JPH3: variants seen among roughly 807,000 people sequenced by gnomAD.
JPH3 encodes junctophilin-3.
JPH3 carries 11 observed loss-of-function variants against 59.6 expected under a neutral mutation model. The ratio of observed to expected loss-of-function variants is 0.18; its 90% CI spans 0.12 to 0.31. JPH3 has a LOEUF of 0.31. Ranked by LOEUF, JPH3 falls within the 10% of genes least tolerant of loss-of-function variation. The pLI is 1.00. For synonymous variants in JPH3, 673 were observed against 483.6 expected (o/e 1.39, Z -5.14); for missense variants, 1,202 against 1,105.7 (o/e 1.09, Z -1.24).
chr16:87,618,346 G>A (rs896057937), intron 1 of JPH3, among the ~76,000 whole-genome samples: 2 of 152,130 alleles, frequency 1.3e-5, no homozygotes, highest in African/African-American at 4.8e-5. Flanking sequence ...GCTGGGGGAG[G>A]AGGGCGTGGA....
chr16:87,646,793 A>G (rs1014578003), intron 2 of JPH3, among the ~76,000 whole-genome samples: 9 of 152,112 alleles, frequency 5.9e-5, no homozygotes, highest in African/African-American at 1.4e-4. Flanking sequence ...TCATGAGTTC[A>G]TTGGTTCATG....
intron 1 of JPH3, among the ~76,000 whole-genome samples, chr16:87,626,795 A>G (rs2031394892): frequency 6.6e-6 from 1 of 152,200 alleles, no homozygotes; most frequent in Non-Finnish European, 1.5e-5. Flanking sequence ...AGAAGACGTG[A>G]GCTTCACTCA....
At chr16:87,618,784 C>A (rs1167886834) in intron 1 of JPH3, among the ~76,000 whole-genome samples, 1 of 152,076 alleles carries the variant, frequency 6.6e-6, no homozygotes, top group Non-Finnish European at 1.5e-5. Context: ...AGATCCTTGC[C>A]CATTTAAAAA....
intron 4 of JPH3, chr16:87,696,064 G>T (rs1424772276): frequency 1.3e-5 from 6 of 456,318 alleles, no homozygotes; most frequent in Non-Finnish European, 2.6e-5. Context: ...GTGTGGTGAG[G>T]GGGGGTTTTG....
At chr16:87,630,289 T>A (rs989111447) in intron 1 of JPH3, among the ~76,000 whole-genome samples, 2 of 149,118 alleles carry the variant, frequency 1.3e-5, no homozygotes, top group African/African-American at 4.8e-5. Flanking sequence ...GGATGGTGTC[T>A]GCAAACGGTG....
chr16:87,630,581 A>G (rs2031534983), intron 1 of JPH3, among the ~76,000 whole-genome samples: 1 of 152,224 alleles, frequency 6.6e-6, no homozygotes, highest in African/African-American at 2.4e-5. Flanking sequence ...CTATTGTGAG[A>G]ATCTTCTCAT....
rs1277474129 is a variant in JPH3, at chr16:87,602,644, GCGCCGCCGCCCGTGCCGC to G, written c.-490_-473del. ...GGCCCCCAATATGGTGCAGCCGCCA[GCGCCGCCGCCCGTGCCGC>G]CGCCGCCGCCCGCGGGCCCCGCCGC... On this transcript the variant is annotated 5_prime_UTR_variant, in exon 1 of 5. Coordinates refer to ENST00000284262, the MANE Select transcript of JPH3 (RefSeq NM_020655.4). Among the ~76,000 whole-genome samples, 2 of 133,088 alleles carry G rather than the reference GCGCCGCCGCCCGTGCCGC, an allele frequency of 1.5e-5. No individual in the cohort carries two copies. The highest frequency in any genetic ancestry group is 7.3e-5 in the Admixed American group (1 of 13,754). The allele number at this position is 133,088 out of a possible 152,430, so 87.3% of individuals were successfully genotyped here. A position where few individuals can be genotyped will look rare whatever the true frequency, so the allele number is the denominator to read the frequency against.
intron 2 of JPH3, among the ~76,000 whole-genome samples, chr16:87,669,265 C>A (rs1486655256): frequency 6.6e-6 from 1 of 152,146 alleles, no homozygotes; most frequent in Non-Finnish European, 1.5e-5. Context: ...GTTCAGGATG[C>A]TTGCCTGCTG....
chr16:87,625,654 C>T (rs977737611), intron 1 of JPH3, among the ~76,000 whole-genome samples: 1 of 152,132 alleles, frequency 6.6e-6, no homozygotes, highest in African/African-American at 2.4e-5. Flanking sequence ...AACAGGGGTT[C>T]CTGGGGGGCC....
At chr16:87,632,365 G>T (rs1420242067) in intron 1 of JPH3, among the ~76,000 whole-genome samples, 43 of 152,200 alleles carry the variant, frequency 2.8e-4, no homozygotes, top group Admixed American at 2.8e-3. Context: ...TTCTTCCTGG[G>T]TTCTGCAGAA....
intron 2 of JPH3, among the ~76,000 whole-genome samples, chr16:87,647,346 G>A (rs555422553): frequency 6.6e-5 from 10 of 152,036 alleles, no homozygotes; most frequent in African/African-American, 1.7e-4. Context: ...GCATCCCTGT[G>A]TCTCCTGGGG....
At chr16:87,675,853 T>C (rs890725124) in intron 2 of JPH3, among the ~76,000 whole-genome samples, 42 of 152,302 alleles carry the variant, frequency 2.8e-4, no homozygotes, top group Non-Finnish European at 5.3e-4. Context: ...CCCACTCCCA[T>C]CCTATTTCGC....
chr16:87,666,820 T>C (rs920233904), intron 2 of JPH3, among the ~76,000 whole-genome samples: 1 of 152,198 alleles, frequency 6.6e-6, no homozygotes, highest in African/African-American at 2.4e-5. Context: ...TTGCCTACAT[T>C]CTATAGATGG....
intron 1 of JPH3, among the ~76,000 whole-genome samples, chr16:87,643,111 A>G (rs1269013807): frequency 6.6e-6 from 1 of 152,112 alleles, no homozygotes; most frequent in Non-Finnish European, 1.5e-5. Flanking sequence ...TGACTACTCT[A>G]AGGACCCCGT....
Position 87,689,664 on chromosome 16 carries a change from C to A in JPH3, c.1304C>A (p.Pro435Gln). ...CATACAGGGCTGGAGTACCAGAGGC[C>A]GAAGCGTCAGACCTCCTGTGACGAC... ...HRENGLEYQR[P>Q]KRQTSCDDIE... Residue 435 changes from proline (P) to glutamine (Q), a missense_variant, in exon 4 of 5, where the codon CCG becomes CAG. Coordinates refer to ENST00000284262, the MANE Select transcript of JPH3 (RefSeq NM_020655.4). 3.1e-6 allele frequency: 5 copies of A among 1,612,022 alleles called. No individual in the cohort carries two copies. The highest frequency in any genetic ancestry group is 4.2e-6 in the Non-Finnish European group (5 of 1,179,582).
chr16:87,605,036 G>A (rs948814214), intron 1 of JPH3: 2 of 432,200 alleles, frequency 4.6e-6, no homozygotes, highest in African/African-American at 4.0e-5. Context: ...GCAGATGTGG[G>A]TGGCTGAGAC....
At chr16:87,673,085 G>A (rs2033057722) in intron 2 of JPH3, among the ~76,000 whole-genome samples, 1 of 152,080 alleles carries the variant, frequency 6.6e-6, no homozygotes, top group Non-Finnish European at 1.5e-5. Flanking sequence ...GGCGGAGGTT[G>A]CAGTGGGCCG....
intron 1 of JPH3, among the ~76,000 whole-genome samples, chr16:87,643,100 G>C (rs546554494): frequency 6.6e-6 from 1 of 152,088 alleles, no homozygotes; most frequent in Non-Finnish European, 1.5e-5. Flanking sequence ...ATCTCTGAGC[G>C]TGACTACTCT....
intron 1 of JPH3, among the ~76,000 whole-genome samples, chr16:87,642,921 G>C (rs893983613): frequency 6.6e-6 from 1 of 152,272 alleles, no homozygotes; most frequent in South Asian, 2.1e-4. Context: ...TACCACGTTA[G>C]CTACTTTTAA....
Sources: gnomAD v4.1 joint callset for allele counts (sites outside exome capture counted in the v4.1 genomes callset) on GRCh38, gnomAD v4.1.1 for gene constraint, MANE v1.5 for transcripts, NCBI Gene and HGNC (gene_info 2026-07-23, HGNC 2026-07-21) for gene names.